The following DCC variants were observed in gnomAD, a reference collection of about 807,000 sequenced individuals.
DCC encodes the protein netrin receptor DCC.
Under a neutral mutation model 172.5 loss-of-function variants are expected in DCC, and 58 were observed. The ratio of observed to expected loss-of-function variants is 0.34; its 90% CI spans 0.27 to 0.42. DCC has a LOEUF of 0.42. DCC is among the 10% of genes least tolerant of loss of function. The probability of loss-of-function intolerance (pLI) is 1.00; values close to 1 mark genes in which losing one functional copy is unlikely to be tolerated. For synonymous variants in DCC, 709 were observed against 644.5 expected (o/e 1.10, Z -1.52); for missense variants, 1,740 against 1,791.0 (o/e 0.97, Z 0.51).
At chr18:52,620,401 A>G (rs2034457000) in intron 1 of DCC, among the ~76,000 whole-genome samples, 1 of 152,228 alleles carries the variant, frequency 6.6e-6, no homozygotes, top group South Asian at 2.1e-4. Flanking sequence ...CTCTGGCTCC[A>G]TAACTACCAA....
intron 8 of DCC, among the ~76,000 whole-genome samples, chr18:53,165,806 T>C (rs751187029): frequency 6.6e-6 from 1 of 152,070 alleles, no homozygotes; most frequent in Non-Finnish European, 1.5e-5. Context: ...CTGGAAGGAG[T>C]TAATCTTGAA....
chr18:52,805,539 C>T (rs2038069630), intron 2 of DCC, among the ~76,000 whole-genome samples: 1 of 152,132 alleles, frequency 6.6e-6, no homozygotes, highest in African/African-American at 2.4e-5. Context: ...GATATATGTG[C>T]TGGACAGCCA....
At chr18:53,169,195 A>C (rs2054973116) in intron 8 of DCC, among the ~76,000 whole-genome samples, 1 of 152,238 alleles carries the variant, frequency 6.6e-6, no homozygotes, top group African/African-American at 2.4e-5. Flanking sequence ...GACTGATCTC[A>C]GTAAAGCAGG....
At chr18:52,621,261 G>A (rs1014275559) in intron 1 of DCC, among the ~76,000 whole-genome samples, 1 of 152,178 alleles carries the variant, frequency 6.6e-6, no homozygotes, top group African/African-American at 2.4e-5. Flanking sequence ...ATGTTCTGTA[G>A]AAATAGATAT....
chr18:53,428,765 ATATAT>A (rs1291276109), intron 21 of DCC, among the ~76,000 whole-genome samples: 1 of 55,104 alleles, frequency 1.8e-5, no homozygotes, highest in Non-Finnish European at 3.5e-5. Flanking sequence ...ATAATAAATT[ATATAT>A]TATATATTTT....
intron 1 of DCC, among the ~76,000 whole-genome samples, chr18:52,368,362 G>T (rs777291888): frequency 6.6e-6 from 1 of 152,040 alleles, no homozygotes; most frequent in Non-Finnish European, 1.5e-5. Context: ...AGGCTATTTG[G>T]GATAAATGAA....
rs533032547 is a variant in DCC at position 53,252,366 on chromosome 18, A to C, written c.1911+36769A>C. Among the ~76,000 whole-genome samples, 41 of 152,066 alleles carry C rather than the reference A, an allele frequency of 2.7e-4. No individual in the cohort carries two copies. The South Asian group carries it at 7.3e-3, about 27-fold the overall frequency. On this transcript the variant is annotated intron_variant, in intron 12 of 28. Coordinates refer to ENST00000442544, the MANE Select transcript of DCC (RefSeq NM_005215.4). Reference sequence around the variant, plus strand: ...AGAAAAAGAATGACCCCAAAGAAAGACTGAGACTTAATCACTCTGGGGGTT... The same window carrying C: ...AGAAAAAGAATGACCCCAAAGAAAGCCTGAGACTTAATCACTCTGGGGGTT...
At chr18:52,844,895 G>A (rs1382731632) in intron 2 of DCC, among the ~76,000 whole-genome samples, 1 of 152,172 alleles carries the variant, frequency 6.6e-6, no homozygotes, top group Non-Finnish European at 1.5e-5. Flanking sequence ...GAATGGCTCT[G>A]GATTTGTGCT....
intron 1 of DCC, among the ~76,000 whole-genome samples, chr18:52,632,497 C>A (rs1453303171): frequency 3.3e-5 from 5 of 152,194 alleles, no homozygotes; most frequent in Admixed American, 3.3e-4. Context: ...TCTGTTTTGC[C>A]ATTTGGGAAA....
chr18:52,590,320 C>T (rs896853096), intron 1 of DCC, among the ~76,000 whole-genome samples: 4 of 151,742 alleles, frequency 2.6e-5, no homozygotes, highest in East Asian at 1.9e-4. Context: ...TATGCAATGT[C>T]GATGTCTACA....
At chr18:52,907,893 A>G (rs756238318) in intron 3 of DCC, among the ~76,000 whole-genome samples, 7 of 152,164 alleles carry the variant, frequency 4.6e-5, no homozygotes, top group Non-Finnish European at 5.9e-5. Flanking sequence ...ATGATTTTAA[A>G]AAAGTCATTT....
intron 1 of DCC, among the ~76,000 whole-genome samples, chr18:52,687,042 A>G (rs1422474518): frequency 6.6e-6 from 1 of 151,906 alleles, no homozygotes; most frequent in Non-Finnish European, 1.5e-5. Flanking sequence ...ACTCTTCCCA[A>G]CTACAGAGTG....
intron 12 of DCC, among the ~76,000 whole-genome samples, chr18:53,271,472 C>T (rs2056748230): frequency 6.6e-6 from 1 of 152,294 alleles, no homozygotes; most frequent in Middle Eastern, 3.4e-3. Context: ...TGAATAGGAG[C>T]TGTGTTTTCA....
At chr18:53,379,713 A>G (rs534483969) in intron 15 of DCC, among the ~76,000 whole-genome samples, 9 of 152,282 alleles carry the variant, frequency 5.9e-5, no homozygotes, top group Middle Eastern at 3.4e-3. Context: ...ACTGGCCAAG[A>G]GCCATCTATT....
intron 1 of DCC, among the ~76,000 whole-genome samples, chr18:52,533,198 G>A (rs926107894): frequency 3.3e-5 from 5 of 151,984 alleles, no homozygotes; most frequent in African/African-American, 4.8e-5. Flanking sequence ...CCAGGATATC[G>A]ACATTTGATA....
At chr18:53,236,069 C>A (rs1568383187) in intron 12 of DCC, among the ~76,000 whole-genome samples, 1 of 152,100 alleles carries the variant, frequency 6.6e-6, no homozygotes. Flanking sequence ...AAAGGCTTTA[C>A]TGGACATAAA....
intron 1 of DCC, among the ~76,000 whole-genome samples, chr18:52,745,979 A>ATGAT (rs2036899784): frequency 6.6e-6 from 1 of 152,118 alleles, no homozygotes; most frequent in Non-Finnish European, 1.5e-5. Context: ...CTGTTAATTC[A>ATGAT]TGTTTGTTTG....
chr18:53,401,623 C>CTAATTAGAGACTGATTTA (rs1315026510), intron 18 of DCC, among the ~76,000 whole-genome samples: 1 of 152,156 alleles, frequency 6.6e-6, no homozygotes, highest in Non-Finnish European at 1.5e-5. Context: ...AGACTGATTT[C>CTAATTAGAGACTGATTTA]TAACTATCTT....
intron 5 of DCC, among the ~76,000 whole-genome samples, chr18:52,996,602 T>G (rs2041483688): frequency 6.6e-6 from 1 of 152,096 alleles, no homozygotes; most frequent in African/African-American, 2.4e-5. Flanking sequence ...TTGCAGTCAC[T>G]GATAATTGCT....
Sources: allele counts gnomAD v4.1 joint callset (sites outside exome capture counted in the v4.1 genomes callset), GRCh38; gene constraint gnomAD v4.1.1; transcripts MANE v1.5; gene names NCBI Gene and HGNC (gene_info 2026-07-23, HGNC 2026-07-21).